Variants in TCF12 observed in about 807,000 individuals in gnomAD.
TCF12 encodes transcription factor 12, also known as DNA-binding protein HTF4.
In TCF12, 45 loss-of-function variants were observed where a neutral mutation model predicts 86.0. The observed-to-expected ratio is 0.52, with a 90% confidence interval of 0.41 to 0.67. The LOEUF is 0.67. Among genes scored for constraint, TCF12 ranks in the 30% least tolerant of loss-of-function variants. The probability of loss-of-function intolerance (pLI) is 0.00; values close to 1 mark genes in which losing one functional copy is unlikely to be tolerated. For missense variants in TCF12, 881 were observed against 859.9 expected (o/e 1.02, Z -0.31); for synonymous variants, 330 against 299.6 (o/e 1.10, Z -1.05).
At chr15:57,113,377 G>A (rs1178016775) in intron 5 of TCF12, among the ~76,000 whole-genome samples, 1 of 152,098 alleles carries the variant, frequency 6.6e-6, no homozygotes, top group African/African-American at 2.4e-5. Context: ...AGACATTTGT[G>A]TACACCTCTC....
chr15:57,176,317 C>A lies in TCF12; in HGVS notation c.390+9851C>A, dbSNP rs117625353. Among the ~76,000 whole-genome samples, 57 of 152,340 alleles carry A rather than the reference C, an allele frequency of 3.7e-4. No individual in the cohort carries two copies. The East Asian group carries it at 8.9e-3, about 24-fold the overall frequency. ...ATCTGAGGTTGGTGACCAGAAATTA[C>A]TGTTGACACTAACCTGTATGATTGT... On this transcript the variant is annotated intron_variant, in intron 6 of 20. Coordinates refer to ENST00000333725, the MANE Select transcript of TCF12 (RefSeq NM_207037.2).
intron 4 of TCF12, among the ~76,000 whole-genome samples, chr15:57,082,844 C>A (rs2048397321): frequency 6.6e-6 from 1 of 151,980 alleles, no homozygotes; most frequent in South Asian, 2.1e-4. Context: ...CATATAAATT[C>A]GTACAAGGAG....
rs2060758816 is a variant in TCF12 at position 57,264,576 on chromosome 15, A to G, written c.1745+1302A>G. Among the ~76,000 whole-genome samples, 9 of 152,094 alleles carry G rather than the reference A, an allele frequency of 5.9e-5. 1 individual carries two copies. The highest frequency in any genetic ancestry group is 5.9e-4 in the Admixed American group (9 of 15,270). ...TTTACTTTTCAAACTTTTTTGTTAA[A>G]AACTAAGACACAAACACACATGTTA... On this transcript the variant is annotated intron_variant, in intron 18 of 20. Transcript: ENST00000333725.
chr15:57,173,216 A>G (rs140601325), intron 6 of TCF12, among the ~76,000 whole-genome samples: 37 of 152,344 alleles, frequency 2.4e-4, no homozygotes, highest in African/African-American at 8.9e-4. Context: ...ACTGAATAAT[A>G]ATGAAAATGT....
At position 57,263,178 on chromosome 15, in the gene TCF12, A is replaced by T. The variant is rs1228333859; in HGVS notation, c.1649A>T (p.Asp550Val). ...ATCAAGACTGAAAACAAAGAAAAGG[A>T]TGAAAACCTTCATGAACCTCCTTCA... is the stretch of plus-strand genomic sequence containing the variant. ...TEIKTENKEKDENLHEPPSSD... is the reference protein window; with the variant it reads ...TEIKTENKEKVENLHEPPSSD... Residue 550 changes from aspartate to valine, a missense_variant, in exon 18 of 21, where the codon GAT (aspartate) becomes GTT (valine). By Grantham distance (152) the Asp-to-Val change is radical. Coordinates refer to ENST00000333725, the MANE Select transcript of TCF12 (RefSeq NM_207037.2). 1 of 1,613,508 alleles carries T rather than the reference A, an allele frequency of 6.2e-7. No homozygotes were observed.
intron 3 of TCF12, among the ~76,000 whole-genome samples, chr15:57,043,174 A>C (rs2067008248): frequency 6.6e-6 from 1 of 152,144 alleles, no homozygotes; most frequent in African/African-American, 2.4e-5. Flanking sequence ...AACTACATGG[A>C]TTAACTACAT....
rs764276802 is a variant in TCF12, at chr15:57,232,822, C to T, written c.936C>T (p.His312=). The T allele has an allele frequency of 1.2e-6, 2 of 1,610,382 alleles. No homozygotes were observed. Among genetic ancestry groups the T allele is most frequent in the East Asian group, 2.2e-5 (1 of 44,618 alleles). The stretch of plus-strand genomic sequence containing the variant: ...GTTCACCTTACGTTGCTGCCTCACA[C>T]ACTCCTCCCATCAATGGATCAGACA... The part of the protein sequence containing the change: ...TSSSPYVAAS[H]TPPINGSDSI... Residue 312 remains histidine, a synonymous_variant, in exon 11 of 21, where the codon CAC becomes CAT. Transcript: ENST00000333725.
chr15:57,066,623 G>C (rs1348312238), intron 4 of TCF12, among the ~76,000 whole-genome samples: 11 of 151,864 alleles, frequency 7.2e-5, no homozygotes, highest in Admixed American at 7.2e-4. Flanking sequence ...CCAAAAAAAG[G>C]GTATTAGAAA....
chr15:56,997,987 A>T (rs1365234382), intron 3 of TCF12, among the ~76,000 whole-genome samples: 1 of 152,258 alleles, frequency 6.6e-6, no homozygotes, highest in Non-Finnish European at 1.5e-5. Context: ...TTGATAAAAG[A>T]ATTGATTTGC....
At chr15:57,258,717 A>C (rs895208959) in intron 16 of TCF12, among the ~76,000 whole-genome samples, 2 of 152,190 alleles carry the variant, frequency 1.3e-5, no homozygotes, top group Non-Finnish European at 2.9e-5. Context: ...GAGCGTAGTA[A>C]CTAATGTTAA....
Position 57,087,737 on chromosome 15 carries a change from A to G in TCF12, c.223-4052A>G, listed in dbSNP as rs532111651. Reference sequence around the variant, plus strand: ...CATGCATCAACTGATTTTATCAATTATTAATATCTTGAGTGCTTTCCATTT... The same window carrying G: ...CATGCATCAACTGATTTTATCAATTGTTAATATCTTGAGTGCTTTCCATTT... On this transcript the variant is annotated intron_variant, in intron 4 of 20. Transcript: ENST00000333725. Among the ~76,000 whole-genome samples the G allele has an allele frequency of 2.6e-5, 4 of 152,314 alleles. No homozygotes were observed. In the East Asian group the frequency reaches 7.7e-4, roughly 29 times the overall value.
At chr15:57,004,125 A>G (rs181640512) in intron 3 of TCF12, among the ~76,000 whole-genome samples, 8 of 152,246 alleles carry the variant, frequency 5.3e-5, no homozygotes, top group South Asian at 4.1e-4. Context: ...CTTTTTTCAT[A>G]TAATTAATTT....
intron 3 of TCF12, among the ~76,000 whole-genome samples, chr15:56,965,587 A>G (rs1188473610): frequency 6.6e-6 from 1 of 152,190 alleles, no homozygotes. Flanking sequence ...TATATCTGGA[A>G]ATGGTAATAA....
chr15:57,214,708 C>G (rs1233701723), intron 8 of TCF12, among the ~76,000 whole-genome samples: 2 of 152,082 alleles, frequency 1.3e-5, no homozygotes, highest in African/African-American at 2.4e-5. Flanking sequence ...AAGTTATTTA[C>G]CAGTACTCAG....
chr15:57,009,819 C>T (rs182662493), intron 3 of TCF12, among the ~76,000 whole-genome samples: 2 of 152,198 alleles, frequency 1.3e-5, no homozygotes, highest in Non-Finnish European at 2.9e-5. Flanking sequence ...TAACCCAAGT[C>T]GAAGTTAAAC....
chr15:57,098,285 T>C (rs2049481595), intron 5 of TCF12, among the ~76,000 whole-genome samples: 2 of 152,202 alleles, frequency 1.3e-5, no homozygotes, highest in South Asian at 4.1e-4. Flanking sequence ...CGTTGCTTTT[T>C]TCCTCTTTTT....
At chr15:57,247,383 A>C (rs1340292948) in intron 13 of TCF12, 19 of 661,682 alleles carry the variant, frequency 2.9e-5, no homozygotes, top group Non-Finnish European at 5.0e-5. Flanking sequence ...CCTCCATAAT[A>C]AAATTGCCAG....
chr15:56,970,220 G>T (rs1176117365), intron 3 of TCF12, among the ~76,000 whole-genome samples: 4 of 152,124 alleles, frequency 2.6e-5, no homozygotes, highest in Admixed American at 2.6e-4. Flanking sequence ...GGTGGCTCAT[G>T]CCTGTAATCC....
At chr15:57,208,073 G>A (rs747904459) in intron 8 of TCF12, among the ~76,000 whole-genome samples, 35 of 146,102 alleles carry the variant, frequency 2.4e-4, no homozygotes, top group Admixed American at 1.0e-3. Flanking sequence ...TTGCTCAGTC[G>A]CTCAGGCTGG....
Sources: allele counts gnomAD v4.1 joint callset (sites outside exome capture counted in the v4.1 genomes callset), GRCh38; gene constraint gnomAD v4.1.1; transcripts MANE v1.5; gene names NCBI Gene and HGNC (gene_info 2026-07-23, HGNC 2026-07-21).